Variants in HSPA12A observed in about 807,000 individuals in gnomAD.
HSPA12A encodes heat shock 70 kDa protein 12A.
A neutral mutation model predicts 69.2 loss-of-function variants in HSPA12A; 28 were observed. That is an observed-to-expected ratio of 0.40 (90% confidence interval 0.30 to 0.55). HSPA12A has a LOEUF of 0.55. Ranked by LOEUF, HSPA12A falls within the 20% of genes least tolerant of loss-of-function variation. HSPA12A has a pLI of 0.38. For synonymous variants in HSPA12A, 345 were observed against 370.5 expected (o/e 0.93, Z 0.79); for missense variants, 686 against 900.7 (o/e 0.76, Z 3.05).
intron 1 of HSPA12A, among the ~76,000 whole-genome samples, chr10:116,727,199 A>T (rs1472813971): frequency 6.6e-6 from 1 of 152,250 alleles, no homozygotes; most frequent in Non-Finnish European, 1.5e-5. Flanking sequence ...TAATTTGCAC[A>T]GAATTCCGCA....
intron 2 of HSPA12A, among the ~76,000 whole-genome samples, chr10:116,799,558 A>G (rs1844911398): frequency 6.6e-6 from 1 of 152,176 alleles, no homozygotes; most frequent in Non-Finnish European, 1.5e-5. Context: ...CTGTTCTTAC[A>G]AGGCCTGGTG....
At chr10:116,762,939 A>G (rs1227365471) in intron 2 of HSPA12A, among the ~76,000 whole-genome samples, 1 of 152,118 alleles carries the variant, frequency 6.6e-6, no homozygotes, top group Middle Eastern at 3.4e-3. Flanking sequence ...CCTGGTAATC[A>G]TTTGCCCTCA....
At chr10:116,785,288 T>C (rs1589704749) in intron 2 of HSPA12A, among the ~76,000 whole-genome samples, 1 of 151,440 alleles carries the variant, frequency 6.6e-6, no homozygotes, top group Non-Finnish European at 1.5e-5. Context: ...CAAGGACTGA[T>C]GTCTTGTTCG....
chr10:116,762,842 CTGGGAT>C (rs1844000413), intron 2 of HSPA12A, among the ~76,000 whole-genome samples: 1 of 152,196 alleles, frequency 6.6e-6, no homozygotes. Flanking sequence ...TTCCAGAGTG[CTGGGAT>C]TACAGGCATG....
intron 2 of HSPA12A, chr10:116,750,649 A>G (rs1329471051): frequency 1.5e-5 from 3 of 197,712 alleles, no homozygotes; most frequent in Non-Finnish European, 2.1e-5. Flanking sequence ...AACAGAATAC[A>G]GTCTATGGGA....
chr10:116,827,060 A>T (rs1188287383), intron 2 of HSPA12A, among the ~76,000 whole-genome samples: 1 of 152,208 alleles, frequency 6.6e-6, no homozygotes, highest in Admixed American at 6.5e-5. Flanking sequence ...ATGTTGGCTG[A>T]ATGAATCACT....
At chr10:116,716,826 G>A (rs146464022) in intron 1 of HSPA12A, among the ~76,000 whole-genome samples, 88 of 152,152 alleles carry the variant, frequency 5.8e-4, no homozygotes, top group African/African-American at 1.8e-3. Flanking sequence ...CAGGGCCCCC[G>A]TCACTCTGTT....
intron 7 of HSPA12A, among the ~76,000 whole-genome samples, chr10:116,682,700 C>G (rs1554878845): frequency 6.6e-6 from 1 of 151,956 alleles, no homozygotes; most frequent in Non-Finnish European, 1.5e-5. Context: ...CTTGCAGTTC[C>G]CACAATTTTT....
chr10:116,704,758 T>C (rs535663015), intron 3 of HSPA12A, among the ~76,000 whole-genome samples: 2 of 152,242 alleles, frequency 1.3e-5, no homozygotes, highest in East Asian at 3.9e-4. Flanking sequence ...ATTTCACAGA[T>C]GAGGAAACTG....
rs546603125 is a variant in HSPA12A at position 116,834,552 on chromosome 10, T to C, written c.91+383A>G. Among the ~76,000 whole-genome samples the C allele has an allele frequency of 7.2e-5, 11 of 152,244 alleles. No homozygotes were observed. The South Asian group carries it at 2.3e-3, about 32-fold the overall frequency. On this transcript the variant is annotated intron_variant, in intron 2 of 12. Transcript: ENST00000635765. ...GCGAGAGGCCATCTCTTCCTGCCTT[T>C]GTATGGGCCCTCACAGAGCCAATCT... is the stretch of plus-strand genomic sequence containing the variant.
chr10:116,771,109 G>A lies in HSPA12A; in HGVS notation c.92-63824C>T, dbSNP rs1376746264. On this transcript the variant is annotated intron_variant, in intron 2 of 12. Coordinates refer to the HSPA12A transcript ENST00000635765. ...GCAAACCCTGGACTGTGGCTCCCGA[G>A]TCTGTAGATGGAGACAGAGGTGGGC... Among the ~76,000 whole-genome samples the A allele has an allele frequency of 2.6e-5, 4 of 152,160 alleles. No homozygotes were observed. In the East Asian group the frequency reaches 7.7e-4, roughly 29 times the overall value.
At chr10:116,768,688 T>G (rs1440635723) in intron 2 of HSPA12A, among the ~76,000 whole-genome samples, 1 of 151,948 alleles carries the variant, frequency 6.6e-6, no homozygotes, top group Non-Finnish European at 1.5e-5. Flanking sequence ...TTTTGTAGAG[T>G]TGGGGGCAGT....
At chr10:116,714,538 C>A (rs1421049390) in intron 1 of HSPA12A, among the ~76,000 whole-genome samples, 2 of 152,288 alleles carry the variant, frequency 1.3e-5, no homozygotes, top group African/African-American at 4.8e-5. Context: ...GTCTCCCTGT[C>A]CTGGGCCTGC....
Position 116,671,752 on chromosome 10 carries a change from G to A in HSPA12A, c.*3029C>T, listed in dbSNP as rs1392304053. The A allele has an allele frequency of 6.6e-6, 1 of 152,652 alleles. No homozygotes were observed. Among genetic ancestry groups the A allele is most frequent in the Non-Finnish European group, 1.5e-5 (1 of 68,042 alleles). 9.5% of individuals were successfully genotyped at this position (152,652 alleles called of 1,614,324 possible). The stretch of plus-strand genomic sequence containing the variant: ...AAGGGCAGTTACAAAGGAAAGCCTT[G>A]ATGATTCTGCTTCCAAGAAACGTGA... On this transcript the variant is annotated 3_prime_UTR_variant, in exon 12 of 12. Coordinates refer to ENST00000369209, the MANE Select transcript of HSPA12A (RefSeq NM_025015.3).
rs1460957604 is a variant in HSPA12A, at chr10:116,673,911, G to A, written c.*870C>T. On this transcript the variant is annotated 3_prime_UTR_variant, in exon 12 of 12. Coordinates refer to ENST00000369209, the MANE Select transcript of HSPA12A (RefSeq NM_025015.3). ...GCTCTTCTGGATGTCTGGTCTTGGTGATGCAAACAAGACCAATGGCAACCT... is the reference window on the plus strand; with the variant it reads ...GCTCTTCTGGATGTCTGGTCTTGGTAATGCAAACAAGACCAATGGCAACCT... 2 of 152,174 alleles carry A rather than the reference G, an allele frequency of 1.3e-5. No individual in the cohort carries two copies. The highest frequency in any genetic ancestry group is 3.9e-4 in the East Asian group (2 of 5,194). The allele number at this position is 152,174 out of a possible 1,614,324, so 9.4% of individuals were successfully genotyped here. A position where few individuals can be genotyped will look rare whatever the true frequency, so the allele number is the denominator to read the frequency against.
At chr10:116,732,324 A>AAAACAAACAAAC (rs1554885896) in intron 1 of HSPA12A, among the ~76,000 whole-genome samples, 10 of 27,442 alleles carry the variant, frequency 3.6e-4, no homozygotes, top group Admixed American at 1.9e-3. Flanking sequence ...CGTCTCAAAA[A>AAAACAAACAAAC]AAACAAAGAA....
At chr10:116,816,795 T>C (rs1845315286) in intron 2 of HSPA12A, among the ~76,000 whole-genome samples, 1 of 152,322 alleles carries the variant, frequency 6.6e-6, no homozygotes, top group East Asian at 1.9e-4. Flanking sequence ...CAGTTTCTGG[T>C]ACTATGGTTT....
intron 2 of HSPA12A, among the ~76,000 whole-genome samples, chr10:116,812,928 C>T (rs1218044134): frequency 1.3e-5 from 2 of 152,168 alleles, no homozygotes; most frequent in African/African-American, 4.8e-5. Context: ...ACAACACACT[C>T]CCACTTTCCA....
At chr10:116,832,560 G>A (rs1845637707) in intron 2 of HSPA12A, 1 of 152,178 alleles carries the variant, frequency 6.6e-6, no homozygotes. Context: ...AGATCAATTT[G>A]CTCAGTCATC....
Sources: allele counts gnomAD v4.1 joint callset (sites outside exome capture counted in the v4.1 genomes callset), GRCh38; gene constraint gnomAD v4.1.1; transcripts MANE v1.5; gene names NCBI Gene and HGNC (gene_info 2026-07-23, HGNC 2026-07-21).